The following RPS6KC1 variants were observed in gnomAD, a reference collection of about 807,000 sequenced individuals.
The protein encoded by RPS6KC1 is inactive ribosomal protein S6 kinase delta-1.
RPS6KC1 carries 54 observed loss-of-function variants against 103.8 expected under a neutral mutation model. The observed-to-expected ratio is 0.52, with a 90% confidence interval of 0.42 to 0.65. RPS6KC1 has a LOEUF of 0.65. Among genes scored for constraint, RPS6KC1 ranks in the 30% least tolerant of loss-of-function variants. RPS6KC1 has a pLI of 0.00. For synonymous variants in RPS6KC1, 439 were observed against 438.7 expected, an observed-to-expected ratio of 1.00 and a Z score of -0.01; for missense variants, 1,151 against 1,253.8, an observed-to-expected ratio of 0.92 and a Z score of 1.24.
At chr1:213,558,447 C>T in the RPS6KC1 span, among the ~76,000 whole-genome samples, 6 of 152,060 alleles carry the variant, frequency 3.9e-5, no homozygotes, top group Admixed American at 6.5e-5. Context: ...ATTTGGGGTA[C>T]GGGGCCAAAA....
chr1:213,670,413 G>A, the RPS6KC1 span, among the ~76,000 whole-genome samples: 2 of 152,218 alleles, frequency 1.3e-5, no homozygotes, highest in Non-Finnish European at 2.9e-5. Flanking sequence ...CAGCTCCACA[G>A]GTGAGCAACA....
the RPS6KC1 span, among the ~76,000 whole-genome samples, chr1:213,493,787 C>T: frequency 1.3e-5 from 2 of 152,124 alleles, no homozygotes; most frequent in Non-Finnish European, 2.9e-5. Context: ...TTTGAAAGAC[C>T]TCATAGGGAA....
At chr1:213,326,118 G>A in the RPS6KC1 span, among the ~76,000 whole-genome samples, 56 of 152,098 alleles carry the variant, frequency 3.7e-4, no homozygotes, top group African/African-American at 1.3e-3. Context: ...GGCAGAGGGG[G>A]AAGAGAGACT....
intron 8 of RPS6KC1, among the ~76,000 whole-genome samples, chr1:213,223,517 G>A (rs2093886101): frequency 6.6e-6 from 1 of 152,156 alleles, no homozygotes; most frequent in Admixed American, 6.5e-5. Flanking sequence ...CTTCATCCAA[G>A]TTGCTGCAAA....
the RPS6KC1 span, among the ~76,000 whole-genome samples, chr1:213,730,580 T>A: frequency 6.6e-6 from 1 of 152,244 alleles, no homozygotes; most frequent in Non-Finnish European, 1.5e-5. Flanking sequence ...TTTTGAAGTG[T>A]CTGTTCATGT....
intron 6 of RPS6KC1, among the ~76,000 whole-genome samples, chr1:213,135,866 T>C (rs1558391263): frequency 6.6e-6 from 1 of 152,188 alleles, no homozygotes; most frequent in Non-Finnish European, 1.5e-5. Context: ...CTGTTCTCAA[T>C]ATTCACAAAT....
At chr1:213,558,000 G>T in the RPS6KC1 span, among the ~76,000 whole-genome samples, 2 of 152,140 alleles carry the variant, frequency 1.3e-5, no homozygotes, top group Non-Finnish European at 2.9e-5. Context: ...TTTCTAGAAG[G>T]ATGAGTTGCA....
the RPS6KC1 span, among the ~76,000 whole-genome samples, chr1:213,747,702 G>A: frequency 6.6e-6 from 1 of 152,110 alleles, no homozygotes; most frequent in East Asian, 1.9e-4. Flanking sequence ...CCTAGTCAGA[G>A]GCAGAAATTT....
the RPS6KC1 span, among the ~76,000 whole-genome samples, chr1:213,745,507 G>A: frequency 1.3e-5 from 2 of 151,968 alleles, no homozygotes; most frequent in African/African-American, 2.4e-5. Flanking sequence ...AAATGCCGCC[G>A]GATGATGTGA....
the RPS6KC1 span, chr1:213,821,903 T>C: frequency 6.6e-6 from 1 of 152,288 alleles, no homozygotes; most frequent in African/African-American, 2.4e-5. Context: ...CTCACTTTAC[T>C]CAAAGCGAGG....
Position 213,106,258 on chromosome 1 carries a change from A to T in RPS6KC1, c.378+1689A>T, listed in dbSNP as rs570700650. Among the ~76,000 whole-genome samples the T allele has an allele frequency of 9.1e-4, 138 of 152,132 alleles. 1 individual carries two copies. Among genetic ancestry groups the T allele is most frequent in the African/African-American group, 3.3e-3 (137 of 41,490 alleles). On this transcript the variant is annotated intron_variant, in intron 4 of 14. Transcript: ENST00000366960. The stretch of plus-strand genomic sequence containing the variant: ...AGAGATAATCAAGCAAGAAAAAAAA[A>T]CTCATTCCATTAGCTTGAACAAAAA...
At chr1:213,542,464 C>G in the RPS6KC1 span, among the ~76,000 whole-genome samples, 1 of 152,130 alleles carries the variant, frequency 6.6e-6, no homozygotes, top group Non-Finnish European at 1.5e-5. Flanking sequence ...AGGTGGCATC[C>G]CCAGAAGTAG....
chr1:213,172,653 G>A (rs745608510), intron 7 of RPS6KC1, among the ~76,000 whole-genome samples: 33 of 152,224 alleles, frequency 2.2e-4, no homozygotes, highest in African/African-American at 6.7e-4. Flanking sequence ...TAATCCATGC[G>A]TAGTGGCTGC....
chr1:213,174,523 A>G (rs1054920689), intron 7 of RPS6KC1, among the ~76,000 whole-genome samples: 1 of 152,088 alleles, frequency 6.6e-6, no homozygotes, highest in Non-Finnish European at 1.5e-5. Flanking sequence ...TACAGAAATT[A>G]GCTGGGCATG....
At chr1:213,091,263 T>C (rs1223565184) in intron 3 of RPS6KC1, among the ~76,000 whole-genome samples, 1 of 152,126 alleles carries the variant, frequency 6.6e-6, no homozygotes, top group African/African-American at 2.4e-5. Flanking sequence ...AGTTTCACCA[T>C]GTTAGCCAGG....
chr1:213,258,614 G>T (rs2094708017), intron 12 of RPS6KC1, among the ~76,000 whole-genome samples: 1 of 152,106 alleles, frequency 6.6e-6, no homozygotes. Flanking sequence ...AAGCCGAATT[G>T]TATATATATA....
In RPS6KC1 at chr1:213,232,105, C is replaced by G. The variant is rs1350803634; in HGVS notation, c.1093-18C>G. 6.2e-7 allele frequency: 1 copy of G among 1,612,748 alleles called. No individual in the cohort carries two copies. Among genetic ancestry groups the G allele is most frequent in the African/African-American group, 1.3e-5 (1 of 74,746 alleles). On this transcript the variant is annotated intron_variant, in intron 9 of 14. Transcript: ENST00000366960. ...GGATGCAACTGAGGATACAACTGAC[C>G]TTTTTGTTCTCTGTCAGGGTCTAAG...
the RPS6KC1 span, among the ~76,000 whole-genome samples, chr1:213,436,391 T>C: frequency 1.3e-5 from 2 of 152,202 alleles, no homozygotes; most frequent in Non-Finnish European, 2.9e-5. Context: ...AATTTATTTA[T>C]TTTACAAAAA....
chr1:213,271,751 G>T (rs1326099736), intron 14 of RPS6KC1, among the ~76,000 whole-genome samples: 1 of 91,786 alleles, frequency 1.1e-5, no homozygotes, highest in Non-Finnish European at 2.0e-5. Context: ...GCGACAGAGC[G>T]AAACTCCGTC....
Sources: gnomAD v4.1 joint callset for allele counts (sites outside exome capture counted in the v4.1 genomes callset) on GRCh38, gnomAD v4.1.1 for gene constraint, MANE v1.5 for transcripts, NCBI Gene and HGNC (gene_info 2026-07-23, HGNC 2026-07-21) for gene names.